The following ANXA5 variants were observed in gnomAD, a reference collection of about 807,000 sequenced individuals.
ANXA5 encodes annexin A5.
Under a neutral mutation model 48.1 loss-of-function variants are expected in ANXA5, and 40 were observed. The ratio of observed to expected loss-of-function variants is 0.83; its 90% confidence interval spans 0.65 to 1.08. The LOEUF (loss-of-function observed/expected upper bound fraction) is 1.08, where lower values mean the gene tolerates loss of function less well. Among genes scored for constraint, ANXA5 ranks in the 50% least tolerant of loss-of-function variants. The probability of loss-of-function intolerance (pLI) is 0.00; values close to 1 mark genes in which losing one functional copy is unlikely to be tolerated. For missense variants in ANXA5, 357 were observed against 376.8 expected (o/e 0.95, Z 0.44); for synonymous variants, 113 against 129.1 (o/e 0.88, Z 0.85).
At chr4:121,684,128 C>A (rs1041644312) in intron 4 of ANXA5, among the ~76,000 whole-genome samples, 2 of 152,036 alleles carry the variant, frequency 1.3e-5, no homozygotes, top group African/African-American at 4.8e-5. Flanking sequence ...AAGTGACATA[C>A]GTTTTCAGAA....
chr4:121,671,376 T>C (rs1038076483), intron 10 of ANXA5, among the ~76,000 whole-genome samples, 171 bp downstream of exon 10: 2 of 152,224 alleles, frequency 1.3e-5, no homozygotes, highest in African/African-American at 4.8e-5. Context: ...AATCCTGTAT[T>C]TCCAACATCA....
chr4:121,671,436 A>C, intron 10 of ANXA5, 111 bp downstream of exon 10: 1 of 725,560 alleles, frequency 1.4e-6, no homozygotes, highest in Middle Eastern at 2.4e-4. Context: ...CCTAAATATC[A>C]TATCAAGCTC....
At chr4:121,684,651 TC>T (rs778015840) in intron 4 of ANXA5, 25 bp downstream of exon 4, 1 of 1,587,236 alleles carries the variant, frequency 6.3e-7, no homozygotes, top group Non-Finnish European at 8.6e-7. Context: ...TCTCCCATTC[TC>T]TCTTGGGATG....
chr4:121,689,150 CTG>C (rs1349448826), intron 2 of ANXA5, among the ~76,000 whole-genome samples: 3 of 152,144 alleles, frequency 2.0e-5, no homozygotes, highest in Non-Finnish European at 1.5e-5. Flanking sequence ...CAAAATTAGC[CTG>C]TGTTAGGAAA....
intron 8 of ANXA5, among the ~76,000 whole-genome samples, chr4:121,673,701 G>A (rs1296823637): frequency 1.3e-5 from 2 of 151,948 alleles, no homozygotes; most frequent in Non-Finnish European, 2.9e-5. Context: ...TATCAATTCT[G>A]GCCATGTGAA....
Position 121,669,505 on chromosome 4 carries a change from C to T in ANXA5, c.903+97G>A, listed in dbSNP as rs993635536. 1.0e-5 allele frequency: 15 copies of T among 1,476,334 alleles called. 1 individual carries two copies. The highest frequency in any genetic ancestry group is 1.4e-5 in the Non-Finnish European group (15 of 1,083,432). 91.5% of individuals were successfully genotyped at this position (1,476,334 alleles called of 1,614,324 possible). On this transcript the variant is annotated intron_variant, in intron 12 of 12. Transcript: ENST00000296511. ...CTAATCGTGTCACTAAAATTTTAAA[C>T]TTAACACAAGAATCAGGTTCTCTTA...
In ANXA5 at chr4:121,696,901, A is replaced by G; in HGVS notation, c.-74T>C. 3.6e-6 allele frequency: 1 copy of G among 277,438 alleles called. No individual in the cohort carries two copies. Among genetic ancestry groups the G allele is most frequent in the East Asian group, 5.8e-5 (1 of 17,256 alleles). The allele number at this position is 277,438 out of a possible 1,614,324, so 17.2% of individuals were successfully genotyped here. Reference sequence around the variant, plus strand: ...CCCAAGTGCCCCGAAACCCCGGGAGAGCGGCGGAGAGCCGGGCGACGGTAC... The same window carrying G: ...CCCAAGTGCCCCGAAACCCCGGGAGGGCGGCGGAGAGCCGGGCGACGGTAC... On this transcript the variant is annotated 5_prime_UTR_variant, in exon 1 of 13. Transcript: ENST00000296511.
In ANXA5 at chr4:121,677,787, G is replaced by A. The variant is rs1724722425; in HGVS notation, c.531+107C>T. On this transcript the variant is annotated intron_variant, in intron 8 of 12. Transcript: ENST00000296511. Reference sequence around the variant, plus strand: ...TGCTATGTAAATAACCCATTAACAAGATTATCACTAGAAGCTATTACAACA... The same window carrying A: ...TGCTATGTAAATAACCCATTAACAAAATTATCACTAGAAGCTATTACAACA... The A allele has an allele frequency of 6.0e-6, 6 of 1,006,092 alleles. No homozygotes were observed. In the Admixed American group the frequency reaches 9.3e-5, roughly 16 times the overall value. The allele number at this position is 1,006,092 out of a possible 1,614,324, so 62.3% of individuals were successfully genotyped here. A position where few individuals can be genotyped will look rare whatever the true frequency, so the allele number is the denominator to read the frequency against.
At chr4:121,685,212 G>T (rs55956709) in intron 3 of ANXA5, among the ~76,000 whole-genome samples, 1 of 151,892 alleles carries the variant, frequency 6.6e-6, no homozygotes, top group African/African-American at 2.4e-5. Flanking sequence ...GAAGTAGATG[G>T]AAAAATACTT....
chr4:121,679,009 A>G (rs931204477), intron 6 of ANXA5, among the ~76,000 whole-genome samples: 3 of 152,090 alleles, frequency 2.0e-5, no homozygotes, highest in Non-Finnish European at 4.4e-5. Context: ...TCCCACCTCT[A>G]TTTCCAGCTG....
At chr4:121,693,233 C>T (rs541475715) in intron 2 of ANXA5, among the ~76,000 whole-genome samples, 3 of 150,822 alleles carry the variant, frequency 2.0e-5, no homozygotes, top group African/African-American at 7.3e-5. Context: ...GACTCCATCT[C>T]GGGGGAGAAA....
chr4:121,693,334 T>C (rs74619542), intron 2 of ANXA5, among the ~76,000 whole-genome samples: 2,628 of 152,242 alleles, frequency 0.017, 34 homozygotes, highest in East Asian at 0.042. Context: ...TTACATATTA[T>C]GTAAACTAAC....
chr4:121,683,201 T>C (rs1724821704), intron 5 of ANXA5, among the ~76,000 whole-genome samples, 163 bp downstream of exon 5: 1 of 152,126 alleles, frequency 6.6e-6, no homozygotes, highest in South Asian at 2.1e-4. Flanking sequence ...CGTGTAATTT[T>C]CTCCCTCCTT....
At chr4:121,682,969 G>C (rs540823152) in intron 5 of ANXA5, among the ~76,000 whole-genome samples, 1 of 152,258 alleles carries the variant, frequency 6.6e-6, no homozygotes, top group African/African-American at 2.4e-5. Flanking sequence ...AATTCTCTCT[G>C]AAGCTTTACC....
rs201168030 is a variant in ANXA5, at chr4:121,696,562, G to T, written c.9+19C>A. 2.1e-6 allele frequency: 3 copies of T among 1,395,642 alleles called. No homozygotes were observed. The highest frequency in any genetic ancestry group is 5.2e-5 in the Admixed American group (2 of 38,398). The allele number at this position is 1,395,642 out of a possible 1,614,324, so 86.5% of individuals were successfully genotyped here. ...AAGTTGTGGGTAAATCCAGCGCAGT[G>T]GGGGGCGCACGGCCTTACCTGTGCC... On this transcript the variant is annotated intron_variant, in intron 2 of 12. Transcript: ENST00000296511.
Position 121,677,937 on chromosome 4 carries a change from G to A in ANXA5, c.488C>T (p.Pro163Leu). The A allele has an allele frequency of 6.2e-7, 1 of 1,613,708 alleles. No homozygotes were observed. Among genetic ancestry groups the A allele is most frequent in the Non-Finnish European group, 8.5e-7 (1 of 1,179,728 alleles). ...LVVLLQANRD[P>L]DAGIDEAQVE... The stretch of plus-strand genomic sequence containing the variant: ...TTGAGCTTCATCAATTCCAGCATCA[G>A]GGTCTCTGTTAGCCTATGAGAGGTA... The change falls in exon 8 of 13, where the codon CCT becomes CTT. Residue 163 changes from proline to leucine, a missense_variant. By Grantham distance (98) the Pro-to-Leu change is moderately conservative (BLOSUM62 -3). Transcript: ENST00000296511.
chr4:121,671,072 A>C (rs1724603595), intron 10 of ANXA5, among the ~76,000 whole-genome samples: 1 of 152,234 alleles, frequency 6.6e-6, no homozygotes. Context: ...TTTAATTAAA[A>C]TAAAACTAAA....
intron 8 of ANXA5, among the ~76,000 whole-genome samples, chr4:121,675,796 A>C (rs57383453): frequency 0.023 from 3,441 of 152,320 alleles, 124 homozygotes; most frequent in African/African-American, 0.077. Flanking sequence ...AGACCCATAG[A>C]ATCAGAATCT....
At position 121,681,658 on chromosome 4, in the gene ANXA5, CACAA is replaced by C; in HGVS notation, c.394+9_394+12del. The C allele has an allele frequency of 6.3e-7, 1 of 1,587,618 alleles. No homozygotes were observed. Among genetic ancestry groups the C allele is most frequent in the African/African-American group, 1.3e-5 (1 of 74,362 alleles). ...GTGGAGGTGAAGTCAAAATATAACTCACAAACATTTACCTTCTTCATAAACTTGT... is the reference window on the plus strand; with the variant it reads ...GTGGAGGTGAAGTCAAAATATAACTCACATTTACCTTCTTCATAAACTTGT... On this transcript the variant is annotated intron_variant, in intron 6 of 12. Transcript: ENST00000296511.
Sources: gnomAD v4.1 joint callset for allele counts (sites outside exome capture counted in the v4.1 genomes callset) on GRCh38, gnomAD v4.1.1 for gene constraint, MANE v1.5 for transcripts, NCBI Gene and HGNC (gene_info 2026-07-23, HGNC 2026-07-21) for gene names.